The following MTSS1 variants were observed in gnomAD, a reference collection of about 807,000 sequenced individuals.
MTSS1 encodes protein MTSS 1.
Under a neutral mutation model 79.0 loss-of-function variants are expected in MTSS1, and 18 were observed. The ratio of observed to expected loss-of-function variants is 0.23; its 90% CI spans 0.16 to 0.34. MTSS1 has a LOEUF of 0.34. Among genes scored for constraint, MTSS1 ranks in the 10% least tolerant of loss-of-function variants. The probability of loss-of-function intolerance (pLI) is 1.00; values close to 1 mark genes in which losing one functional copy is unlikely to be tolerated. For synonymous variants in MTSS1, 341 were observed against 368.6 expected (o/e 0.93, Z 0.86); for missense variants, 815 against 986.2 (o/e 0.83, Z 2.33).
intron 10 of MTSS1, among the ~76,000 whole-genome samples, chr8:124,561,180 C>T (rs148297029): frequency 6.6e-6 from 1 of 152,198 alleles, no homozygotes; most frequent in African/African-American, 2.4e-5. Context: ...GCCTGTAATT[C>T]CAGAATTTTG....
intron 3 of MTSS1, among the ~76,000 whole-genome samples, chr8:124,698,811 C>T (rs148022946): frequency 0.025 from 3,805 of 152,202 alleles, 156 homozygotes; most frequent in African/African-American, 0.087. Flanking sequence ...CATGACCCAC[C>T]GCGCCTGACC....
chr8:124,606,595 G>A (rs1277146901), intron 3 of MTSS1, among the ~76,000 whole-genome samples: 5 of 152,184 alleles, frequency 3.3e-5, no homozygotes, highest in Non-Finnish European at 7.3e-5. Context: ...CATTCTTGGG[G>A]GCATCTCACT....
chr8:124,598,062 T>C (rs1030060127), intron 3 of MTSS1, among the ~76,000 whole-genome samples: 1 of 152,184 alleles, frequency 6.6e-6, no homozygotes, highest in African/African-American at 2.4e-5. Context: ...CACTTAAGTT[T>C]GGTCTCAAAC....
chr8:124,698,700 T>C (rs537344088), intron 3 of MTSS1, among the ~76,000 whole-genome samples: 185 of 151,978 alleles, frequency 1.2e-3, no homozygotes, highest in Middle Eastern at 3.4e-3. Context: ...TTAGTAGACA[T>C]GGGGTTTCGC....
rs576340993 is a variant in MTSS1, at chr8:124,727,579, G to A, written c.72+305C>T. On this transcript the variant is annotated intron_variant, in intron 1 of 13. Transcript: ENST00000518547. The surrounding 1 kb of genome is among the most constrained non-coding windows in gnomAD (Gnocchi z 4.7). ...CACTTACTTCAGGGACAGACAATGG[G>A]AAAACTTGCAGCCAGTGCCTTGAGC... The A allele has an allele frequency of 2.0e-5, 11 of 551,958 alleles. No individual in the cohort carries two copies. Among genetic ancestry groups the A allele is most frequent in the African/African-American group, 1.5e-4 (8 of 53,390 alleles). 34.2% of individuals were successfully genotyped at this position (551,958 alleles called of 1,614,324 possible).
chr8:124,577,182 A>G (rs1421727332), intron 6 of MTSS1, among the ~76,000 whole-genome samples: 1 of 152,244 alleles, frequency 6.6e-6, no homozygotes, highest in East Asian at 1.9e-4. Flanking sequence ...GTTATAAAAT[A>G]CATCTAATAA....
chr8:124,619,010 C>T (rs539467138), intron 3 of MTSS1, among the ~76,000 whole-genome samples: 51 of 152,270 alleles, frequency 3.3e-4, no homozygotes, highest in South Asian at 8.3e-4. Context: ...ACGTGGTTAA[C>T]GGCAGGTGAT....
At chr8:124,689,489 T>A (rs1827573056) in intron 3 of MTSS1, among the ~76,000 whole-genome samples, 1 of 151,950 alleles carries the variant, frequency 6.6e-6, no homozygotes, top group African/African-American at 2.4e-5. Context: ...CTCACACCTG[T>A]AATCCCAGCA....
chr8:124,659,162 GGAT>G (rs35888492), intron 3 of MTSS1, among the ~76,000 whole-genome samples: 19,970 of 151,994 alleles, frequency 0.13, 1,550 homozygotes, highest in East Asian at 0.31. Context: ...CCAGAATCAT[GGAT>G]GATTCGATGA....
At chr8:124,690,148 A>ACTG (rs1827706240) in intron 3 of MTSS1, among the ~76,000 whole-genome samples, 1 of 152,166 alleles carries the variant, frequency 6.6e-6, no homozygotes, top group African/African-American at 2.4e-5. Flanking sequence ...CTTCCTCCCC[A>ACTG]CTGCTGCTGC....
At chr8:124,621,606 G>A (rs1262952494) in intron 3 of MTSS1, among the ~76,000 whole-genome samples, 2 of 152,094 alleles carry the variant, frequency 1.3e-5, no homozygotes, top group East Asian at 1.9e-4. Flanking sequence ...GTGCAGTGGC[G>A]CCATCTCGGC....
At chr8:124,614,282 T>C (rs997752625) in intron 3 of MTSS1, among the ~76,000 whole-genome samples, 5 of 151,656 alleles carry the variant, frequency 3.3e-5, no homozygotes, top group African/African-American at 9.7e-5. Flanking sequence ...GAAACCTTGC[T>C]CAATTGGAGG....
chr8:124,552,929 T>A lies in MTSS1; in HGVS notation c.*63A>T. ...TTGTTTTATTATAGAGTGGAATGGA[T>A]CAAGACAAATTAGGTTTTATTAATG... On this transcript the variant is annotated 3_prime_UTR_variant, in exon 14 of 14. Transcript: ENST00000518547. 2.0e-6 allele frequency: 3 copies of A among 1,521,086 alleles called. No homozygotes were observed. Among genetic ancestry groups the A allele is most frequent in the East Asian group, 2.3e-5 (1 of 44,148 alleles). 94.2% of individuals were successfully genotyped at this position (1,521,086 alleles called of 1,614,324 possible).
rs576827500 is a variant in MTSS1, at chr8:124,597,439, G to T, written c.209-6204C>A. On this transcript the variant is annotated intron_variant, in intron 3 of 13. Coordinates refer to ENST00000518547, the MANE Select transcript of MTSS1 (RefSeq NM_014751.6). The surrounding 1 kb of genome is among the most constrained non-coding windows in gnomAD (Gnocchi z 4.6). ...ATACAAATTGTTTAATGCATATTTG[G>T]GGGGGTAGGGAGGAAATAAGAAAAG... is the stretch of plus-strand genomic sequence containing the variant. Among the ~76,000 whole-genome samples, 5 of 152,266 alleles carry T rather than the reference G, an allele frequency of 3.3e-5. No homozygotes were observed. Among genetic ancestry groups the T allele is most frequent in the African/African-American group, 9.6e-5 (4 of 41,540 alleles).
At chr8:124,700,626 T>C (rs1829570744) in intron 2 of MTSS1, among the ~76,000 whole-genome samples, 2 of 152,218 alleles carry the variant, frequency 1.3e-5, no homozygotes, top group Non-Finnish European at 2.9e-5. Flanking sequence ...ACTTATGTCC[T>C]AGAAATTATT....
chr8:124,648,821 C>T (rs183707735), intron 3 of MTSS1, among the ~76,000 whole-genome samples: 23 of 152,132 alleles, frequency 1.5e-4, no homozygotes, highest in African/African-American at 4.3e-4. Flanking sequence ...GCCATCAGTA[C>T]GCCATGATGA....
In MTSS1 at chr8:124,597,554, G is replaced by C. The variant is rs1832983371; in HGVS notation, c.209-6319C>G. Among the ~76,000 whole-genome samples the C allele has an allele frequency of 1.3e-5, 2 of 152,238 alleles. 1 individual carries two copies. Among genetic ancestry groups the C allele is most frequent in the South Asian group, 4.1e-4 (2 of 4,832 alleles). ...ACAGGCAGGACGGTGGGTCCTTCGA[G>C]TGGCATTGTCCTGTCCCTCCAAGCT... is the stretch of plus-strand genomic sequence containing the variant. On this transcript the variant is annotated intron_variant, in intron 3 of 13. Coordinates refer to ENST00000518547, the MANE Select transcript of MTSS1 (RefSeq NM_014751.6). This position sits in a 1 kb window ranked among gnomAD's most constrained non-coding sequence, Gnocchi z 4.6.
At chr8:124,615,161 A>G (rs1189828259) in intron 3 of MTSS1, among the ~76,000 whole-genome samples, 1 of 152,174 alleles carries the variant, frequency 6.6e-6, no homozygotes, top group Non-Finnish European at 1.5e-5. Flanking sequence ...GGGATGTGGC[A>G]TGGCAGTGAG....
chr8:124,621,206 A>G (rs906702391), intron 3 of MTSS1, among the ~76,000 whole-genome samples: 3 of 152,264 alleles, frequency 2.0e-5, no homozygotes, highest in African/African-American at 7.2e-5. Context: ...CCAGAGATCT[A>G]TTAAGGGCCA....
Sources: gnomAD v4.1 joint callset for allele counts (sites outside exome capture counted in the v4.1 genomes callset) on GRCh38, gnomAD v4.1.1 for gene constraint, Gnocchi (gnomAD v3.1) non-coding constraint, MANE v1.5 for transcripts, NCBI Gene and HGNC (gene_info 2026-07-23, HGNC 2026-07-21) for gene names.